Variants in HDAC11 observed in about 807,000 individuals in gnomAD.
The protein encoded by HDAC11 is histone deacetylase 11.
In HDAC11, 23 loss-of-function variants were observed where a neutral mutation model predicts 41.1. The observed-to-expected ratio is 0.56, with a 90% CI of 0.40 to 0.79. HDAC11 has a LOEUF of 0.79. HDAC11 is among the 30% of genes least tolerant of loss of function. The probability of loss-of-function intolerance (pLI) is 0.00; values close to 1 mark genes in which losing one functional copy is unlikely to be tolerated. For synonymous variants in HDAC11, 187 were observed against 186.6 expected, an observed-to-expected ratio of 1.00 and a Z score of -0.02; for missense variants, 402 against 477.3, an observed-to-expected ratio of 0.84 and a Z score of 1.47.
chr3:13,499,429 C>T (rs972639712), intron 5 of HDAC11, among the ~76,000 whole-genome samples: 1 of 152,198 alleles, frequency 6.6e-6, no homozygotes, highest in Admixed American at 6.5e-5. Flanking sequence ...CTCGCTCGGC[C>T]TCCCAAAGTG....
rs375812020 is a variant in HDAC11, at chr3:13,504,633, G to A, written c.994G>A (p.Val332Ile). ...LGLIGPESPS[V>I]SAQNSDTPLL... ...GCTCATTGGGCCTGAGTCACCCAGC[G>A]TCTCCGCACAGAACTCAGACACACC... Residue 332 changes from valine (V) to isoleucine (I), a missense_variant, in exon 10 of 10, where the codon GTC becomes ATC. Transcript: ENST00000295757. 3.8e-5 allele frequency: 61 copies of A among 1,613,738 alleles called. No homozygotes were observed. Among genetic ancestry groups the A allele is most frequent in the Admixed American group, 8.3e-5 (5 of 60,016 alleles).
At chr3:13,489,541 T>C (rs1701749107) in intron 3 of HDAC11, among the ~76,000 whole-genome samples, 1 of 152,228 alleles carries the variant, frequency 6.6e-6, no homozygotes, top group Non-Finnish European at 1.5e-5. Flanking sequence ...GATTTATTTC[T>C]AGACTCTCAA....
rs1438265072 is a variant in HDAC11 at position 13,480,361 on chromosome 3, G to GGGGCGA, written c.2+18_2+23dup. The GGGGCGA allele has an allele frequency of 8.2e-7, 1 of 1,212,946 alleles. No homozygotes were observed. The highest frequency in any genetic ancestry group is 1.0e-6 in the Non-Finnish European group (1 of 975,270). 75.1% of individuals were successfully genotyped at this position (1,212,946 alleles called of 1,614,324 possible). A position where few individuals can be genotyped will look rare whatever the true frequency, so the allele number is the denominator to read the frequency against. On this transcript the variant is annotated intron_variant, in intron 1 of 9. Transcript: ENST00000295757. The surrounding 1 kb of genome is among the most constrained non-coding windows in gnomAD (Gnocchi z 4.6). ...GCCGGCCCCGGGATGTGAGTGCCGC[G>GGGGCGA]GGGCGAGGGCGGGGGTGGGCTCCCA...
chr3:13,486,522 T>A (rs952662751), intron 3 of HDAC11, among the ~76,000 whole-genome samples: 10 of 150,370 alleles, frequency 6.7e-5, no homozygotes, highest in African/African-American at 2.5e-4. Flanking sequence ...GAGGAGGTGA[T>A]GTTTGAGTTG....
intron 2 of HDAC11, 138 bp downstream of exon 2, chr3:13,481,532 C>A: frequency 1.1e-6 from 1 of 947,048 alleles, no homozygotes; most frequent in Non-Finnish European, 1.6e-6. Context: ...CATGCTTCCG[C>A]CCAAAATGAT....
At chr3:13,491,389 A>AACAT (rs1250144431) in intron 3 of HDAC11, among the ~76,000 whole-genome samples, 52 of 151,972 alleles carry the variant, frequency 3.4e-4, no homozygotes, top group Middle Eastern at 6.8e-3. Flanking sequence ...TTCTGTTCCT[A>AACAT]GTTTGTTGAG....
intron 3 of HDAC11, among the ~76,000 whole-genome samples, chr3:13,488,262 TGTG>T (rs1471155296): frequency 1.3e-5 from 2 of 152,138 alleles, no homozygotes; most frequent in African/African-American, 2.4e-5. Flanking sequence ...TTTTTTTAAT[TGTG>T]GTAAAATTTA....
At position 13,505,437 on chromosome 3, in the gene HDAC11, G is replaced by A. The variant is rs77021151; in HGVS notation, c.*754G>A. On this transcript the variant is annotated 3_prime_UTR_variant, in exon 10 of 10. Coordinates refer to ENST00000295757, the MANE Select transcript of HDAC11 (RefSeq NM_024827.4). Reference sequence around the variant, plus strand: ...CTGTTCAGTGCAAGGGGCAGGTTTTGGGGGGAGGAATTCTTAGCGCAAGGA... The same window carrying A: ...CTGTTCAGTGCAAGGGGCAGGTTTTAGGGGGAGGAATTCTTAGCGCAAGGA... 0.022 allele frequency: 3,352 copies of A among 153,180 alleles called. 39 individuals are homozygous for A. The highest frequency in any genetic ancestry group is 0.032 in the Non-Finnish European group (2,181 of 68,726). The allele number at this position is 153,180 out of a possible 1,614,324, so 9.5% of individuals were successfully genotyped here.
At chr3:13,498,459 A>G (rs1416312637) in intron 4 of HDAC11, 54 bp from the exon 5 acceptor site, 4 of 1,608,474 alleles carry the variant, frequency 2.5e-6, no homozygotes, top group Non-Finnish European at 3.4e-6. Context: ...TCAGTGAATG[A>G]ATGACTGGTG....
chr3:13,482,419 C>T (rs1051524806), intron 2 of HDAC11, among the ~76,000 whole-genome samples: 1 of 152,142 alleles, frequency 6.6e-6, no homozygotes, highest in Non-Finnish European at 1.5e-5. Context: ...GTGGTTTGAA[C>T]GGAAGATGAG....
chr3:13,498,597 G>A lies in HDAC11; in HGVS notation c.412+42G>A, dbSNP rs766233949. On this transcript the variant is annotated intron_variant, in intron 5 of 9. Coordinates refer to ENST00000295757, the MANE Select transcript of HDAC11 (RefSeq NM_024827.4). ...TCCTCGGGAATGTCCAGCCCGGCTT[G>A]GTGGAACTGGCCTGAAAGGGGGCTG... 52 of 1,604,908 alleles carry A rather than the reference G, an allele frequency of 3.2e-5. No individual in the cohort carries two copies. The Admixed American group carries it at 6.2e-4, about 19-fold the overall frequency.
chr3:13,498,639 T>A, intron 5 of HDAC11, 84 bp downstream of exon 5: 1 of 1,323,144 alleles, frequency 7.6e-7, no homozygotes, highest in Non-Finnish European at 1.1e-6. Flanking sequence ...GGCGGGAGGA[T>A]CCTGGAGGTG....
intron 6 of HDAC11, 133 bp downstream of exon 6, chr3:13,500,922 G>A: frequency 3.0e-6 from 2 of 668,392 alleles, no homozygotes; most frequent in South Asian, 2.1e-5. Context: ...GGCTTGTTTG[G>A]GTTGCTCAGC....
At chr3:13,494,101 C>G (rs1021421962) in intron 3 of HDAC11, among the ~76,000 whole-genome samples, 1 of 152,238 alleles carries the variant, frequency 6.6e-6, no homozygotes, top group African/African-American at 2.4e-5. Flanking sequence ...AAACGACTTG[C>G]CGGTGGAAGC....
chr3:13,490,120 A>T (rs1701780520), intron 3 of HDAC11, among the ~76,000 whole-genome samples: 1 of 151,490 alleles, frequency 6.6e-6, no homozygotes. Context: ...CAGCCTCCCG[A>T]GTAGCTGGGA....
At position 13,504,120 on chromosome 3, in the gene HDAC11, G is replaced by A. The variant is rs375953574; in HGVS notation, c.676G>A (p.Glu226Lys). Residue 226 changes from glutamate to lysine, a missense_variant, in exon 9 of 10, where the codon GAG (glutamate) becomes AAG (lysine). Transcript: ENST00000295757. ...GGCCATCAGGCGGAAGGTGGAGCTGGAGTGGGGCACAGAGGATGATGAGTA... is the reference window on the plus strand; with the variant it reads ...GGCCATCAGGCGGAAGGTGGAGCTGAAGTGGGGCACAGAGGATGATGAGTA... The part of the protein sequence containing the change: ...KQAIRRKVEL[E>K]WGTEDDEYLD... The A allele has an allele frequency of 2.5e-6, 4 of 1,613,948 alleles. No individual in the cohort carries two copies. Among genetic ancestry groups the A allele is most frequent in the Admixed American group, 1.7e-5 (1 of 60,010 alleles).
chr3:13,501,031 G>A (rs1439121626), intron 6 of HDAC11, among the ~76,000 whole-genome samples: 1 of 152,198 alleles, frequency 6.6e-6, no homozygotes, highest in Non-Finnish European at 1.5e-5. Context: ...CTCCCACAGA[G>A]CCAGGGGACT....
chr3:13,495,297 C>G (rs1407251004), intron 3 of HDAC11, among the ~76,000 whole-genome samples: 1 of 152,116 alleles, frequency 6.6e-6, no homozygotes, highest in Non-Finnish European at 1.5e-5. Context: ...TCACCTCCCA[C>G]TCTCCCACCC....
chr3:13,489,695 T>C lies in HDAC11; in HGVS notation c.252+6131T>C, dbSNP rs534934980. Among the ~76,000 whole-genome samples the C allele has an allele frequency of 3.5e-4, 54 of 152,278 alleles. 1 individual carries two copies. The highest frequency in any genetic ancestry group is 3.4e-3 in the Middle Eastern group (1 of 294). Reference sequence around the variant, plus strand: ...AATTCTCCCATCTCAGCCTCCCAGGTAGCTGGGACTACAGGCGTGTGCTAC... The same window carrying C: ...AATTCTCCCATCTCAGCCTCCCAGGCAGCTGGGACTACAGGCGTGTGCTAC... On this transcript the variant is annotated intron_variant, in intron 3 of 9. Transcript: ENST00000295757.
Sources: gnomAD v4.1 joint callset for allele counts (sites outside exome capture counted in the v4.1 genomes callset) on GRCh38, gnomAD v4.1.1 for gene constraint, Gnocchi (gnomAD v3.1) non-coding constraint, MANE v1.5 for transcripts, NCBI Gene and HGNC (gene_info 2026-07-23, HGNC 2026-07-21) for gene names.